PARVB: variants seen among roughly 807,000 people sequenced by gnomAD.
PARVB encodes the protein beta-parvin.
A neutral mutation model predicts 47.0 loss-of-function variants in PARVB; 46 were observed. That is an observed-to-expected ratio of 0.98 (90% CI 0.77 to 1.25). The LOEUF is 1.25. Among genes scored for constraint, PARVB ranks in the 50% most tolerant of loss-of-function variants. The pLI is 0.00. For missense variants in PARVB, 473 were observed against 471.6 expected (o/e 1.00, Z -0.03); for synonymous variants, 196 against 196.3 (o/e 1.00, Z 0.01).
intron 1 of PARVB, among the ~76,000 whole-genome samples, chr22:44,093,503 G>T (rs1285208362): frequency 2.0e-5 from 3 of 152,222 alleles, no homozygotes; most frequent in African/African-American, 7.2e-5. Context: ...ACCGGAGGGG[G>T]TTAGCATCTT....
intron 1 of PARVB, among the ~76,000 whole-genome samples, chr22:44,058,695 C>T (rs894265786): frequency 5.9e-5 from 9 of 151,802 alleles, no homozygotes; most frequent in Non-Finnish European, 1.2e-4. Context: ...GCTGGGATTA[C>T]AGGCACCTGC....
rs202197113 is a variant in PARVB, at chr22:44,015,341, CAT to C, written c.211+15670_211+15671del. ...GCAGCCTGAAAAATCAAGCTGCAAA[CAT>C]AGATAAACATGCTAAAAACTTACAT... On this transcript the variant is annotated intron_variant, in intron 2 of 13. Coordinates refer to the PARVB transcript ENST00000406477. Among the ~76,000 whole-genome samples the C allele has an allele frequency of 5.1e-3, 770 of 152,114 alleles. 11 individuals are homozygous for C. Among genetic ancestry groups the C allele is most frequent in the African/African-American group, 0.018 (745 of 41,474 alleles).
At chr22:44,098,621 C>T (rs1340996473) in intron 2 of PARVB, among the ~76,000 whole-genome samples, 3 of 152,078 alleles carry the variant, frequency 2.0e-5, no homozygotes, top group African/African-American at 7.2e-5. Context: ...CTGCGGAGGC[C>T]TTTGCAGAGA....
At chr22:44,072,376 A>G (rs1348636783) in intron 1 of PARVB, among the ~76,000 whole-genome samples, 1 of 151,996 alleles carries the variant, frequency 6.6e-6, no homozygotes, top group Non-Finnish European at 1.5e-5. Context: ...CAGATAGGAC[A>G]AGGGAAGGGG....
At chr22:44,003,488 G>A (rs1312447694) in intron 2 of PARVB, among the ~76,000 whole-genome samples, 2 of 152,158 alleles carry the variant, frequency 1.3e-5, no homozygotes, top group African/African-American at 4.8e-5. Flanking sequence ...TAAAGGCTAA[G>A]TAGGATTCAT....
chr22:44,143,478 G>A (rs1161110422), intron 8 of PARVB: 1 of 152,382 alleles, frequency 6.6e-6, no homozygotes. Context: ...GCACGCAGCT[G>A]GGGGCAGATG....
At chr22:44,032,080 C>T (rs917431183) in intron 1 of PARVB, among the ~76,000 whole-genome samples, 8 of 152,156 alleles carry the variant, frequency 5.3e-5, no homozygotes, top group Admixed American at 3.9e-4. Flanking sequence ...CATACGTTGG[C>T]CCAATGGTAT....
At chr22:44,026,344 C>T (rs1253793788) in intron 1 of PARVB, 3 of 985,390 alleles carry the variant, frequency 3.0e-6, no homozygotes, top group African/African-American at 1.7e-5. Context: ...AGGAGCAGGA[C>T]GCCGGGCACT....
chr22:44,153,793 T>C (rs2053860934), intron 10 of PARVB, among the ~76,000 whole-genome samples: 2 of 152,184 alleles, frequency 1.3e-5, no homozygotes, highest in African/African-American at 4.8e-5. Context: ...TCTGTCTATA[T>C]TTTGTCACTT....
At position 44,068,550 on chromosome 22, in the gene PARVB, G is replaced by A. The variant is rs1261968818; in HGVS notation, c.113-25378G>A. Among the ~76,000 whole-genome samples the A allele has an allele frequency of 2.6e-5, 4 of 152,206 alleles. No individual in the cohort carries two copies. Among genetic ancestry groups the A allele is most frequent in the Admixed American group, 6.5e-5 (1 of 15,292 alleles). ...GCCTCAGCTTCTTCTTTCTGTGTCC[G>A]ATATTTGATTTCTGTTGTCGTGGAA... On this transcript the variant is annotated intron_variant, in intron 1 of 12. Coordinates refer to ENST00000338758, the MANE Select transcript of PARVB (RefSeq NM_013327.5). The surrounding 1 kb of genome is among the most constrained non-coding windows in gnomAD (Gnocchi z 4.1).
In PARVB at chr22:44,101,192, G is replaced by A. The variant is rs567853231; in HGVS notation, c.273+1069G>A. On this transcript the variant is annotated intron_variant, in intron 3 of 12. Coordinates refer to ENST00000338758, the MANE Select transcript of PARVB (RefSeq NM_013327.5). ...TGGGAGGCCGAGGCGGGCGGATCAC[G>A]AGGTCAGGAGATCGAGACCATCCTG... 2.0e-3 allele frequency among the ~76,000 whole-genome samples: 297 copies of A among 147,774 alleles called. 1 individual carries two copies. The highest frequency in any genetic ancestry group is 3.5e-3 in the Non-Finnish European group (231 of 66,848).
At chr22:44,112,399 C>G (rs1027597129) in intron 3 of PARVB, 1 of 152,600 alleles carries the variant, frequency 6.6e-6, no homozygotes, top group South Asian at 2.1e-4. Context: ...CGGCCCTGTC[C>G]CCCTCCCCCC....
intron 2 of PARVB, among the ~76,000 whole-genome samples, chr22:44,001,114 G>A (rs150503002): frequency 6.6e-6 from 1 of 152,198 alleles, no homozygotes; most frequent in Non-Finnish European, 1.5e-5. Flanking sequence ...GCTGGGCGTG[G>A]TGGTGGGCGC....
intron 3 of PARVB, among the ~76,000 whole-genome samples, chr22:44,100,965 C>T (rs2052429515): frequency 6.6e-6 from 1 of 152,106 alleles, no homozygotes; most frequent in Non-Finnish European, 1.5e-5. Context: ...ACAGTGTCTG[C>T]CAGAAACAGA....
At chr22:44,123,581 T>C (rs549775534) in intron 4 of PARVB, among the ~76,000 whole-genome samples, 1 of 152,126 alleles carries the variant, frequency 6.6e-6, no homozygotes, top group Non-Finnish European at 1.5e-5. Context: ...GCATGACTTA[T>C]TTTTTGTATT....
At chr22:44,054,633 G>A (rs1056308347) in intron 1 of PARVB, among the ~76,000 whole-genome samples, 7 of 152,150 alleles carry the variant, frequency 4.6e-5, no homozygotes, top group African/African-American at 1.2e-4. Context: ...AGAGTTTGGC[G>A]GATAACAGCG....
intron 4 of PARVB, among the ~76,000 whole-genome samples, chr22:44,122,255 C>T (rs992832625): frequency 2.0e-5 from 3 of 152,254 alleles, no homozygotes; most frequent in African/African-American, 7.2e-5. Flanking sequence ...CCTTGAGGGG[C>T]TGAGCCAGGA....
chr22:44,157,870 G>T, intron 10 of PARVB, 112 bp from the exon 11 acceptor site: 1 of 707,604 alleles, frequency 1.4e-6, no homozygotes, highest in South Asian at 1.7e-5. Context: ...TCCAGCCTGG[G>T]TGACAGAGTG....
chr22:44,070,189 G>A (rs1193583205), intron 1 of PARVB, among the ~76,000 whole-genome samples: 3 of 152,172 alleles, frequency 2.0e-5, no homozygotes, highest in African/African-American at 7.2e-5. Context: ...TGAGTAAGCT[G>A]AAGCCCAGAG....
Sources: allele counts gnomAD v4.1 joint callset (sites outside exome capture counted in the v4.1 genomes callset), GRCh38; gene constraint gnomAD v4.1.1; non-coding constraint Gnocchi (gnomAD v3.1); transcripts MANE v1.5; gene names NCBI Gene and HGNC (gene_info 2026-07-23, HGNC 2026-07-21).